Variants in IKBKB-DT observed in about 807,000 individuals in gnomAD.
The protein encoded by IKBKB-DT is IKBKB antisense RNA.
intron 3 of IKBKB-DT, among the ~76,000 whole-genome samples, chr8:42,236,247 C>T (rs960248804): frequency 6.6e-6 from 1 of 151,856 alleles, no homozygotes; most frequent in Non-Finnish European, 1.5e-5. Flanking sequence ...GCAATCCACC[C>T]ACCTTGACCT....
intron 3 of IKBKB-DT, among the ~76,000 whole-genome samples, chr8:42,236,727 A>T (rs1806928179): frequency 6.6e-6 from 1 of 152,258 alleles, no homozygotes; most frequent in South Asian, 2.1e-4. Context: ...ATTGCACTCC[A>T]GCCTGGGCAA....
chr8:42,268,578 T>A (rs1291294027), intron 1 of IKBKB-DT, among the ~76,000 whole-genome samples: 2 of 149,352 alleles, frequency 1.3e-5, no homozygotes, highest in Non-Finnish European at 3.0e-5. Context: ...GCCAAATTTT[T>A]TTTTTTGAGA....
At chr8:42,241,224 CTTTTTTTTTTTTTTTTTTTTTTTTTT>C (rs773177896) in intron 3 of IKBKB-DT, among the ~76,000 whole-genome samples, 1,111 of 45,708 alleles carry the variant, frequency 0.024, 13 homozygotes, top group African/African-American at 0.062. Flanking sequence ...ATGTTGGAAT[CTTTTTTTTTTTTTTTTTTTTTTTTTT>C]TTTTTTTTTT....
chr8:42,258,399 C>T (rs1323235598), intron 3 of IKBKB-DT, among the ~76,000 whole-genome samples: 3 of 152,004 alleles, frequency 2.0e-5, no homozygotes, highest in African/African-American at 7.2e-5. Context: ...CTTGCCTTGG[C>T]CTCTTGAGTA....
chr8:42,236,465 G>A (rs1403664178), intron 3 of IKBKB-DT, among the ~76,000 whole-genome samples: 1 of 152,094 alleles, frequency 6.6e-6, no homozygotes, highest in Non-Finnish European at 1.5e-5. Context: ...TAAAACTCTT[G>A]ATTAAAATAA....
chr8:42,240,054 A>G (rs1346852318), intron 3 of IKBKB-DT, among the ~76,000 whole-genome samples: 2 of 152,162 alleles, frequency 1.3e-5, no homozygotes, highest in Non-Finnish European at 2.9e-5. Context: ...TGATTTTTAC[A>G]TTCCCAAGTC....
chr8:42,264,281 C>T (rs1286062716), intron 2 of IKBKB-DT, among the ~76,000 whole-genome samples: 2 of 151,932 alleles, frequency 1.3e-5, no homozygotes, highest in Non-Finnish European at 1.5e-5. Flanking sequence ...CTCAGCCTCC[C>T]CAGTAGCTGG....
At chr8:42,242,058 T>C (rs1483533963) in intron 3 of IKBKB-DT, among the ~76,000 whole-genome samples, 1 of 152,006 alleles carries the variant, frequency 6.6e-6, no homozygotes, top group Admixed American at 6.6e-5. Context: ...CTACTAAAAA[T>C]ACAAAATTTA....
chr8:42,239,614 T>TTATATATATATATATATATATATGTA (rs113469700), intron 3 of IKBKB-DT, among the ~76,000 whole-genome samples: 2 of 19,910 alleles, frequency 1.0e-4, no homozygotes, highest in Non-Finnish European at 2.2e-4. Flanking sequence ...AAAAGGCAAT[T>TTATATATATATATATATATATATGTA]TATATATATA....
intron 3 of IKBKB-DT, among the ~76,000 whole-genome samples, chr8:42,241,222 ATCT>A (rs1806998085): frequency 4.5e-5 from 3 of 66,604 alleles, no homozygotes; most frequent in African/African-American, 9.6e-5. Context: ...ATATGTTGGA[ATCT>A]TTTTTTTTTT....
chr8:42,268,405 C>T (rs182877809), intron 1 of IKBKB-DT, among the ~76,000 whole-genome samples: 1 of 151,058 alleles, frequency 6.6e-6, no homozygotes, highest in African/African-American at 2.4e-5. Context: ...AAAGTGCTGG[C>T]ATTACAGGTG....
At chr8:42,257,645 A>G (rs1003495503) in intron 3 of IKBKB-DT, among the ~76,000 whole-genome samples, 5 of 152,178 alleles carry the variant, frequency 3.3e-5, no homozygotes, top group African/African-American at 9.6e-5. Context: ...CAAAAATGCC[A>G]AAAGACGGCT....
At chr8:42,237,573 C>G (rs1005654404) in intron 3 of IKBKB-DT, among the ~76,000 whole-genome samples, 9 of 152,044 alleles carry the variant, frequency 5.9e-5, no homozygotes, top group African/African-American at 2.2e-4. Flanking sequence ...GCCTTAGGAT[C>G]TTATTTTTAG....
At position 42,248,576 on chromosome 8, in the gene IKBKB-DT, GC is replaced by G. The variant is rs759358494; in HGVS notation, n.1530-14718del. 1.1e-3 allele frequency among the ~76,000 whole-genome samples: 172 copies of G among 152,282 alleles called. 1 individual carries two copies. Among genetic ancestry groups the G allele is most frequent in the Non-Finnish European group, 2.2e-3 (149 of 68,026 alleles). On this transcript the variant is annotated intron_variant and non_coding_transcript_variant, in intron 3 of 3. Transcript: ENST00000518213. ...AATTTGACTTTAATTGGGTGGGTAT[GC>G]CTTTTTTTAAGAGACCCAAATAGCC...
At chr8:42,252,480 C>T (rs2129918758) in intron 3 of IKBKB-DT, among the ~76,000 whole-genome samples, 1 of 152,334 alleles carries the variant, frequency 6.6e-6, no homozygotes, top group South Asian at 2.1e-4. Context: ...AGATGAGCAA[C>T]ACCACCTCAC....
chr8:42,237,663 C>G (rs62507974), intron 3 of IKBKB-DT, among the ~76,000 whole-genome samples: 3,323 of 152,136 alleles, frequency 0.022, 46 homozygotes, highest in Middle Eastern at 0.041. Context: ...GGGGGACTCT[C>G]TCCCTCCCCA....
intron 3 of IKBKB-DT, among the ~76,000 whole-genome samples, chr8:42,260,074 C>G (rs143345772): frequency 6.6e-6 from 1 of 150,710 alleles, no homozygotes; most frequent in East Asian, 2.0e-4. Context: ...ACAGGAGCAA[C>G]GGGAAGGAAG....
chr8:42,245,234 A>AC (rs1807048751), intron 3 of IKBKB-DT, among the ~76,000 whole-genome samples: 2 of 152,350 alleles, frequency 1.3e-5, no homozygotes, highest in African/African-American at 4.8e-5. Flanking sequence ...CAACCTGGCG[A>AC]CAGAGCAAGA....
At chr8:42,236,934 G>A (rs565740938) in intron 3 of IKBKB-DT, among the ~76,000 whole-genome samples, 14 of 152,084 alleles carry the variant, frequency 9.2e-5, no homozygotes, top group East Asian at 1.9e-4. Context: ...TGCCCAGGCC[G>A]GTCTTGAGCT....
Sources: gnomAD v4.1 joint callset for allele counts (sites outside exome capture counted in the v4.1 genomes callset) on GRCh38, gnomAD v4.1.1 for gene constraint, MANE v1.5 for transcripts, NCBI Gene and HGNC (gene_info 2026-07-23, HGNC 2026-07-21) for gene names.